The following SFSWAP variants were observed in gnomAD, a reference collection of about 807,000 sequenced individuals.
SFSWAP encodes the protein splicing factor, suppressor of white-apricot homolog.
In SFSWAP, 17 loss-of-function variants were observed where a neutral mutation model predicts 100.7. That is an observed-to-expected ratio of 0.17 (90% CI 0.12 to 0.25). The LOEUF is 0.25. Among genes scored for constraint, SFSWAP ranks in the 10% least tolerant of loss-of-function variants. The pLI, the probability that SFSWAP is intolerant of heterozygous loss-of-function variation, is 1.00. For synonymous variants in SFSWAP, 504 were observed against 510.1 expected, an observed-to-expected ratio of 0.99 and a Z score of 0.16; for missense variants, 1,005 against 1,262.6, an observed-to-expected ratio of 0.80 and a Z score of 3.09.
At chr12:131,740,933 G>A (rs1408973019) in intron 7 of SFSWAP, among the ~76,000 whole-genome samples, 2 of 149,762 alleles carry the variant, frequency 1.3e-5, no homozygotes, top group Non-Finnish European at 3.0e-5. Context: ...TGATGGATAC[G>A]AGGCTTTTCA....
chr12:131,714,032 G>A lies in SFSWAP; in HGVS notation c.219-39G>A, dbSNP rs749426815. 2.4e-5 allele frequency: 38 copies of A among 1,569,464 alleles called. No individual in the cohort carries two copies. The highest frequency in any genetic ancestry group is 6.7e-5 in the Admixed American group (4 of 59,560). On this transcript the variant is annotated intron_variant, in intron 1 of 17. Coordinates refer to ENST00000261674, the MANE Select transcript of SFSWAP (RefSeq NM_004592.4). The surrounding 1 kb of genome is among the most constrained non-coding windows in gnomAD (Gnocchi z 6.0). ...ATCACACACGCACACCAGTCTAGAC[G>A]TTAATTTCCTTTTATTGACCAGCTT...
At chr12:131,726,164 A>ATG (rs1216801339) in intron 5 of SFSWAP, among the ~76,000 whole-genome samples, 3 of 146,038 alleles carry the variant, frequency 2.1e-5, no homozygotes, top group African/African-American at 4.9e-5. Context: ...ATTCATATAT[A>ATG]TGTATATATA....
At chr12:131,768,800 C>A (rs535783474) in intron 13 of SFSWAP, among the ~76,000 whole-genome samples, 1 of 152,164 alleles carries the variant, frequency 6.6e-6, no homozygotes, top group Non-Finnish European at 1.5e-5. Flanking sequence ...CAGTTATGGC[C>A]GAAGGATCTG....
Position 131,754,446 on chromosome 12 carries a change from C to A in SFSWAP, c.1401C>A (p.Val467=). The part of the protein sequence containing the change: ...QPVIDKLAEY[V]ARNGLKFETS... ...TGATTGACAAGCTGGCCGAGTATGT[C>A]GCCAGGAACGGCCTGAAGTTCGAGA... Residue 467 remains valine, a synonymous_variant, in exon 9 of 18, where the codon GTC becomes GTA. Transcript: ENST00000261674. The A allele has an allele frequency of 5.6e-6, 9 of 1,603,474 alleles. No homozygotes were observed. The highest frequency in any genetic ancestry group is 1.1e-5 in the South Asian group (1 of 89,798).
chr12:131,783,822 A>ATATATATATATATATATATATATATAT (rs1491403303), intron 14 of SFSWAP: 87 of 125,246 alleles, frequency 6.9e-4, no homozygotes, highest in Non-Finnish European at 9.0e-4. Flanking sequence ...ATATATATAT[A>ATATATATATATATATATATATATATAT]ATTCTTTGTA....
At chr12:131,776,146 A>G (rs1022505427) in intron 13 of SFSWAP, among the ~76,000 whole-genome samples, 1 of 152,202 alleles carries the variant, frequency 6.6e-6, no homozygotes, top group East Asian at 1.9e-4. Flanking sequence ...GACCTGAAAA[A>G]TATTGTTACA....
intron 1 of SFSWAP, chr12:131,713,546 G>A (rs924914864): frequency 6.6e-6 from 1 of 152,358 alleles, no homozygotes; most frequent in Non-Finnish European, 1.5e-5. Context: ...GCCTAGCCAA[G>A]ATTTTACCTC....
rs923940070 is a variant in SFSWAP at position 131,714,737 on chromosome 12, A to G, written c.389-85A>G. ...TTGAAAAAAGTATGTTGTATGCTTTACTGATAGCTACAACTTTAGAAATAT... is the reference window on the plus strand; with the variant it reads ...TTGAAAAAAGTATGTTGTATGCTTTGCTGATAGCTACAACTTTAGAAATAT... On this transcript the variant is annotated intron_variant, in intron 2 of 17. Transcript: ENST00000261674. The surrounding 1 kb of genome is among the most constrained non-coding windows in gnomAD (Gnocchi z 6.0). 7 of 1,280,488 alleles carry G rather than the reference A, an allele frequency of 5.5e-6. No individual in the cohort carries two copies. The Admixed American group carries it at 1.4e-4, about 25-fold the overall frequency. The allele number at this position is 1,280,488 out of a possible 1,614,324, so 79.3% of individuals were successfully genotyped here.
chr12:131,716,339 T>C (rs1217682793), intron 3 of SFSWAP, among the ~76,000 whole-genome samples: 1 of 152,216 alleles, frequency 6.6e-6, no homozygotes, highest in East Asian at 1.9e-4. Context: ...CTTTCAAACC[T>C]ACCCATCCCT....
intron 7 of SFSWAP, among the ~76,000 whole-genome samples, chr12:131,740,991 G>A (rs1186176130): frequency 7.6e-4 from 5 of 6,602 alleles, no homozygotes; most frequent in African/African-American, 2.3e-3. Context: ...TTTTTTTTTT[G>A]AGATAGAGTC....
rs372945853 is a variant in SFSWAP, at chr12:131,725,400, C to T, written c.607-5C>T. 1.4e-5 allele frequency: 22 copies of T among 1,613,236 alleles called. No homozygotes were observed. The highest frequency in any genetic ancestry group is 1.3e-4 in the East Asian group (6 of 44,886). The stretch of plus-strand genomic sequence containing the variant: ...GGTGACGTGAATATGTGTGTTTTCC[C>T]GTAGCCACCAACCGCTAAAATGCAC... On this transcript the variant is annotated splice_region_variant and splice_polypyrimidine_tract_variant and intron_variant, in intron 4 of 17. Coordinates refer to ENST00000261674, the MANE Select transcript of SFSWAP (RefSeq NM_004592.4). This position sits in a 1 kb window ranked among gnomAD's most constrained non-coding sequence, Gnocchi z 4.3.
In SFSWAP at chr12:131,769,630, A is replaced by G. The variant is rs187132673; in HGVS notation, c.2142+3322A>G. Among the ~76,000 whole-genome samples the G allele has an allele frequency of 1.9e-4, 29 of 151,560 alleles. 1 individual carries two copies. The highest frequency in any genetic ancestry group is 5.8e-4 in the East Asian group (3 of 5,166). Reference sequence around the variant, plus strand: ...TTTATTTTATTTTATTTATTTATTTATTTGTTTGTTTTTTGAGACAGAGTC... The same window carrying G: ...TTTATTTTATTTTATTTATTTATTTGTTTGTTTGTTTTTTGAGACAGAGTC... On this transcript the variant is annotated intron_variant, in intron 13 of 17. Coordinates refer to ENST00000261674, the MANE Select transcript of SFSWAP (RefSeq NM_004592.4).
intron 13 of SFSWAP, 46 bp downstream of exon 13, chr12:131,766,354 T>G (rs748463725): frequency 3.8e-6 from 6 of 1,558,492 alleles, no homozygotes; most frequent in Non-Finnish European, 5.3e-6. Flanking sequence ...GTGTGATACA[T>G]AGAGGCAGGG....
chr12:131,784,825 C>G, intron 14 of SFSWAP: 2 of 336,756 alleles, frequency 5.9e-6, no homozygotes, highest in Non-Finnish European at 1.1e-5. Context: ...CTGGTAACAG[C>G]CACTTCCCTT....
chr12:131,776,898 G>A (rs537484197), intron 13 of SFSWAP, among the ~76,000 whole-genome samples: 6 of 152,380 alleles, frequency 3.9e-5, no homozygotes, highest in African/African-American at 1.2e-4. Flanking sequence ...GAAGGGTGCT[G>A]TCTCCTGATC....
Position 131,711,653 on chromosome 12 carries a change from C to G in SFSWAP, c.218+206C>G. On this transcript the variant is annotated intron_variant, in intron 1 of 17. Transcript: ENST00000261674. This position sits in a 1 kb window ranked among gnomAD's most constrained non-coding sequence, Gnocchi z 4.9. Reference sequence around the variant, plus strand: ...TGCCCTAAGGCACTGGCTGGAATTGCGTGCCGCGTCCGTCTCCGGAGGGAT... The same window carrying G: ...TGCCCTAAGGCACTGGCTGGAATTGGGTGCCGCGTCCGTCTCCGGAGGGAT... 2 of 566,528 alleles carry G rather than the reference C, an allele frequency of 3.5e-6. No homozygotes were observed. Among genetic ancestry groups the G allele is most frequent in the South Asian group, 2.1e-5 (1 of 47,188 alleles). The allele number at this position is 566,528 out of a possible 1,614,324, so 35.1% of individuals were successfully genotyped here.
chr12:131,729,500 T>A (rs1346174652), intron 7 of SFSWAP, among the ~76,000 whole-genome samples: 1 of 152,184 alleles, frequency 6.6e-6, no homozygotes, highest in East Asian at 1.9e-4. Flanking sequence ...CAGTACCCTG[T>A]CTCAAAAAGA....
chr12:131,774,840 C>G (rs192798791), intron 13 of SFSWAP, among the ~76,000 whole-genome samples: 1 of 151,996 alleles, frequency 6.6e-6, no homozygotes, highest in Non-Finnish European at 1.5e-5. Flanking sequence ...CAGATTGTCC[C>G]GTCGCTTCAA....
intron 13 of SFSWAP, among the ~76,000 whole-genome samples, chr12:131,777,134 C>A (rs1463553215): frequency 6.6e-6 from 1 of 151,950 alleles, no homozygotes; most frequent in African/African-American, 2.4e-5. Context: ...TTTTGTTTTT[C>A]CTTAAGAACT....
Sources: allele counts gnomAD v4.1 joint callset (sites outside exome capture counted in the v4.1 genomes callset), GRCh38; gene constraint gnomAD v4.1.1; non-coding constraint Gnocchi (gnomAD v3.1); transcripts MANE v1.5; gene names NCBI Gene and HGNC (gene_info 2026-07-23, HGNC 2026-07-21).